The following PDE1C variants were observed in gnomAD, a reference collection of about 807,000 sequenced individuals.
PDE1C encodes phosphodiesterase 1C.
PDE1C carries 62 observed loss-of-function variants against 93.1 expected under a neutral mutation model. The observed-to-expected ratio is 0.67, with a 90% confidence interval of 0.54 to 0.82. The LOEUF (loss-of-function observed/expected upper bound fraction) is 0.82, where lower values mean the gene tolerates loss of function less well. PDE1C is among the 40% of genes least tolerant of loss of function. PDE1C has a pLI of 0.00. For synonymous variants in PDE1C, 325 were observed against 310.1 expected, an observed-to-expected ratio of 1.05 and a Z score of -0.50; for missense variants, 742 against 884.6, an observed-to-expected ratio of 0.84 and a Z score of 2.04.
chr7:31,772,496 G>T (rs1371784203), intron 17 of PDE1C, among the ~76,000 whole-genome samples: 2 of 142,090 alleles, frequency 1.4e-5, no homozygotes, highest in Non-Finnish European at 3.0e-5. Context: ...CAGGGCTTCT[G>T]CAGTTCTCTC....
At chr7:32,341,173 C>CTATTTTTTATTTTTTTTTTTTTTTTTTTT (rs796122014) in intron 1 of PDE1C, among the ~76,000 whole-genome samples, 1 of 84,952 alleles carries the variant, frequency 1.2e-5, no homozygotes, top group African/African-American at 4.3e-5. Flanking sequence ...GAAATAAAGT[C>CTATTTTTTATTTTTTTTTTTTTTTTTTTT]TTTTTTTTTT....
intron 2 of PDE1C, among the ~76,000 whole-genome samples, chr7:32,175,262 A>T (rs1000624821): frequency 1.3e-5 from 2 of 152,232 alleles, no homozygotes; most frequent in Non-Finnish European, 2.9e-5. Context: ...AGACCACTGC[A>T]ATAAAGCAAG....
At chr7:31,718,475 GA>G in the PDE1C span, among the ~76,000 whole-genome samples, 1 of 152,150 alleles carries the variant, frequency 6.6e-6, no homozygotes, top group Non-Finnish European at 1.5e-5. Flanking sequence ...CCAGTTAAGC[GA>G]AAAACTAGGA....
intron 1 of PDE1C, among the ~76,000 whole-genome samples, chr7:32,395,783 A>C (rs919577233): frequency 3.9e-5 from 6 of 152,192 alleles, no homozygotes; most frequent in African/African-American, 1.4e-4. Flanking sequence ...GAGATATAAT[A>C]AAATTTGTTA....
chr7:32,377,387 C>T (rs1179063696), intron 1 of PDE1C, among the ~76,000 whole-genome samples: 4 of 152,216 alleles, frequency 2.6e-5, no homozygotes, highest in Admixed American at 1.3e-4. Context: ...TAGCCTGTAA[C>T]ACTCGTCTTA....
intron 1 of PDE1C, among the ~76,000 whole-genome samples, chr7:32,332,903 C>T (rs1311144966): frequency 6.6e-6 from 1 of 152,078 alleles, no homozygotes; most frequent in African/African-American, 2.4e-5. Context: ...TAGGCCTGAG[C>T]AGAAGGAGGT....
intron 1 of PDE1C, among the ~76,000 whole-genome samples, chr7:32,064,094 A>G (rs1349725332): frequency 6.6e-6 from 1 of 152,176 alleles, no homozygotes; most frequent in Admixed American, 6.5e-5. Context: ...AATTTTTTAA[A>G]GTATTCTCCT....
At chr7:31,965,439 C>T (rs1809770506) in intron 2 of PDE1C, among the ~76,000 whole-genome samples, 1 of 152,132 alleles carries the variant, frequency 6.6e-6, no homozygotes, top group Admixed American at 6.5e-5. Context: ...ACAAAGCCTC[C>T]AAGAAATATG....
intron 1 of PDE1C, among the ~76,000 whole-genome samples, chr7:32,063,396 T>C (rs1241209945): frequency 6.6e-6 from 1 of 152,208 alleles, no homozygotes; most frequent in Non-Finnish European, 1.5e-5. Context: ...AAAGTAGTCT[T>C]CCATGAGCCA....
intron 1 of PDE1C, among the ~76,000 whole-genome samples, chr7:32,406,119 C>G (rs1477868188): frequency 3.3e-5 from 5 of 152,056 alleles, no homozygotes; most frequent in African/African-American, 9.7e-5. Context: ...CGTGCCTTAC[C>G]CCACAGAGGC....
At chr7:31,992,555 T>G (rs2129078541) in intron 2 of PDE1C, among the ~76,000 whole-genome samples, 1 of 152,298 alleles carries the variant, frequency 6.6e-6, no homozygotes, top group Non-Finnish European at 1.5e-5. Flanking sequence ...GTGGTTCATG[T>G]TGCATCCATA....
At chr7:31,835,158 T>C (rs1562888425) in intron 11 of PDE1C, among the ~76,000 whole-genome samples, 1 of 152,204 alleles carries the variant, frequency 6.6e-6, no homozygotes, top group Admixed American at 6.5e-5. Context: ...TGTGAGTCAA[T>C]TAAACCTCTT....
chr7:32,286,508 T>A (rs1812011601), intron 1 of PDE1C, among the ~76,000 whole-genome samples: 1 of 152,214 alleles, frequency 6.6e-6, no homozygotes, highest in African/African-American at 2.4e-5. Flanking sequence ...TGTGTTTGTA[T>A]ATAAAATATG....
At chr7:31,860,011 C>T (rs906852743) in intron 7 of PDE1C, among the ~76,000 whole-genome samples, 6 of 152,144 alleles carry the variant, frequency 3.9e-5, no homozygotes, top group African/African-American at 1.4e-4. Context: ...AACATTGCTA[C>T]AATGAACCTG....
At chr7:31,860,457 T>C (rs1794560281) in intron 7 of PDE1C, among the ~76,000 whole-genome samples, 1 of 152,208 alleles carries the variant, frequency 6.6e-6, no homozygotes, top group African/African-American at 2.4e-5. Context: ...TATAATGGAT[T>C]AAAACTGTAT....
At chr7:32,038,483 C>T (rs989109310) in intron 2 of PDE1C, among the ~76,000 whole-genome samples, 2 of 152,096 alleles carry the variant, frequency 1.3e-5, no homozygotes, top group African/African-American at 2.4e-5. Context: ...ATATAGCATA[C>T]ACGCATTGTC....
Position 32,045,344 on chromosome 7 carries a change from T to C in PDE1C, c.128+6210A>G, listed in dbSNP as rs139193946. Among the ~76,000 whole-genome samples, 435 of 152,218 alleles carry C rather than the reference T, an allele frequency of 2.9e-3. 2 individuals carry two copies. Among genetic ancestry groups the C allele is most frequent in the African/African-American group, 1.0e-2 (414 of 41,532 alleles). On this transcript the variant is annotated intron_variant, in intron 2 of 17. Transcript: ENST00000396191. ...TCTAACCAGACCACTGTGGCTGCTATAAAGGCACCCTGATTCAGGTGGCAA... is the reference window on the plus strand; with the variant it reads ...TCTAACCAGACCACTGTGGCTGCTACAAAGGCACCCTGATTCAGGTGGCAA...
downstream of PDE1C, among the ~76,000 whole-genome samples, chr7:31,750,174 T>C (rs767211472): frequency 6.6e-6 from 1 of 151,994 alleles, no homozygotes; most frequent in Non-Finnish European, 1.5e-5. Flanking sequence ...GAGAAGGAGA[T>C]AGGGTAAATA....
intron 3 of PDE1C, among the ~76,000 whole-genome samples, chr7:32,112,846 G>GTGTGTA (rs1449055562): frequency 3.0e-4 from 18 of 59,166 alleles, no homozygotes; most frequent in South Asian, 2.1e-3. Flanking sequence ...GTGTGTGTGT[G>GTGTGTA]TATATATATA....
Sources: allele counts gnomAD v4.1 joint callset (sites outside exome capture counted in the v4.1 genomes callset), GRCh38; gene constraint gnomAD v4.1.1; transcripts MANE v1.5; gene names NCBI Gene and HGNC (gene_info 2026-07-23, HGNC 2026-07-21).